CFAP46: variants seen among roughly 807,000 people sequenced by gnomAD.
CFAP46 encodes cilia- and flagella-associated protein 46.
A neutral mutation model predicts 325.7 loss-of-function variants in CFAP46; 245 were observed. That is an observed-to-expected ratio of 0.75 (90% CI 0.68 to 0.84). The LOEUF is 0.84. Among genes scored for constraint, CFAP46 ranks in the 40% least tolerant of loss-of-function variants. CFAP46 has a pLI of 0.00. For synonymous variants in CFAP46, 1,523 were observed against 1,495.9 expected (o/e 1.02, Z -0.42); for missense variants, 3,346 against 3,543.0 (o/e 0.94, Z 1.41).
intron 17 of CFAP46, 100 bp downstream of exon 17, chr10:132,916,449 C>T (rs1849639915): frequency 1.6e-5 from 21 of 1,320,352 alleles, no homozygotes; most frequent in East Asian, 2.9e-5. Context: ...GGTGTCCTTA[C>T]GAATGCAAAG....
rs186296982 is a variant in CFAP46 at position 132,919,489 on chromosome 10, G to A, written c.1731-47C>T. The A allele has an allele frequency of 4.1e-4, 618 of 1,512,912 alleles. 3 individuals carry two copies. In the African/African-American group the frequency reaches 6.4e-3, roughly 16 times the overall value. 93.7% of individuals were successfully genotyped at this position (1,512,912 alleles called of 1,614,324 possible). ...GAGTGAAAGGTGAGTAGACAAGTGTGGTTGCTGAAGTTAGAAAACACCTGG... is the reference window on the plus strand; with the variant it reads ...GAGTGAAAGGTGAGTAGACAAGTGTAGTTGCTGAAGTTAGAAAACACCTGG... On this transcript the variant is annotated intron_variant, in intron 14 of 57. Transcript: ENST00000368586. This position sits in a 1 kb window ranked among gnomAD's most constrained non-coding sequence, Gnocchi z 9.7.
chr10:132,823,940 GTGTGTGCAGTGA>G, intron 50 of CFAP46, among the ~76,000 whole-genome samples: 1 of 142,474 alleles, frequency 7.0e-6, no homozygotes, highest in African/African-American at 2.7e-5. Flanking sequence ...GATGTGTGCT[GTGTGTGCAGTGA>G]TGTGTGCTGT....
At chr10:132,867,976 G>A (rs939760140) in intron 33 of CFAP46, among the ~76,000 whole-genome samples, 9 of 152,142 alleles carry the variant, frequency 5.9e-5, no homozygotes, top group East Asian at 1.9e-4. Flanking sequence ...CTTCTCCTGT[G>A]CCATGAACAC....
At chr10:132,888,214 G>C (rs549177533) in intron 25 of CFAP46, among the ~76,000 whole-genome samples, 11 of 151,820 alleles carry the variant, frequency 7.2e-5, no homozygotes, top group Non-Finnish European at 1.3e-4. Context: ...GCTCCACCCC[G>C]TCTAATGGTA....
rs1237472872 is a variant in CFAP46 at position 132,811,159 on chromosome 10, G to A, written c.7502-128C>T. On this transcript the variant is annotated intron_variant, in intron 55 of 57. Coordinates refer to ENST00000368586, the MANE Select transcript of CFAP46 (RefSeq NM_001200049.3). ...TGGCACGCTGGCCACTCAGCTCCGG[G>A]CTCCGACCTCATGACCGTCAGGTTT... 4 of 776,264 alleles carry A rather than the reference G, an allele frequency of 5.2e-6. No homozygotes were observed. The Admixed American group carries it at 9.1e-5, about 18-fold the overall frequency. The allele number at this position is 776,264 out of a possible 1,614,324, so 48.1% of individuals were successfully genotyped here.
At chr10:132,899,935 C>T (rs542225352) in intron 22 of CFAP46, among the ~76,000 whole-genome samples, 6 of 152,290 alleles carry the variant, frequency 3.9e-5, no homozygotes, top group South Asian at 4.1e-4. Flanking sequence ...CGGAGACAGC[C>T]GCCCTGGGAA....
At chr10:132,822,731 TGTGTGCA>T in intron 50 of CFAP46, among the ~76,000 whole-genome samples, 1 of 138,332 alleles carries the variant, frequency 7.2e-6, no homozygotes, top group Non-Finnish European at 1.5e-5. Flanking sequence ...ATGTGTGCTG[TGTGTGCA>T]GTGATGTGTG....
intron 21 of CFAP46, 58 bp from the exon 22 acceptor site, chr10:132,908,692 C>A (rs1252023555): frequency 2.6e-5 from 39 of 1,471,976 alleles, no homozygotes; most frequent in Non-Finnish European, 3.0e-5. Context: ...CTTCCCACGG[C>A]CTGCAGCCCC....
At chr10:132,879,064 G>T (rs983872619) in intron 29 of CFAP46, among the ~76,000 whole-genome samples, 1 of 152,194 alleles carries the variant, frequency 6.6e-6, no homozygotes, top group Non-Finnish European at 1.5e-5. Flanking sequence ...TTGGTGTGGC[G>T]AGCCAGGCAG....
At position 132,833,350 on chromosome 10, in the gene CFAP46, G is replaced by C. The variant is rs562574100; in HGVS notation, c.7117+8C>G. On this transcript the variant is annotated splice_region_variant and intron_variant, in intron 50 of 57. Transcript: ENST00000368586. Reference sequence around the variant, plus strand: ...TTACACATTAAGGTGGCTGAGGGCAGTTCCTACCTGTCTCTTCTTTATGGA... The same window carrying C: ...TTACACATTAAGGTGGCTGAGGGCACTTCCTACCTGTCTCTTCTTTATGGA... The C allele has an allele frequency of 5.8e-5, 94 of 1,612,434 alleles. No homozygotes were observed. The highest frequency in any genetic ancestry group is 7.7e-5 in the Non-Finnish European group (91 of 1,178,866).
intron 38 of CFAP46, 62 bp from the exon 39 acceptor site, chr10:132,857,850 T>C (rs1332797734): frequency 1.5e-6 from 2 of 1,310,844 alleles, no homozygotes; most frequent in Non-Finnish European, 2.1e-6. Flanking sequence ...ATGTTTAATA[T>C]GTCATTTTCT....
Position 132,817,876 on chromosome 10 carries a change from C to T in CFAP46, c.7118-2962G>A, listed in dbSNP as rs1370277823. ...GTCACTGGGTCACAGTGAACGGCGT[C>T]GGCCGCGCTCTGCCTGGAGGCTCCC... On this transcript the variant is annotated intron_variant, in intron 50 of 57. Coordinates refer to ENST00000368586, the MANE Select transcript of CFAP46 (RefSeq NM_001200049.3). The surrounding 1 kb of genome is among the most constrained non-coding windows in gnomAD (Gnocchi z 4.4). 2.0e-5 allele frequency among the ~76,000 whole-genome samples: 3 copies of T among 152,266 alleles called. No individual in the cohort carries two copies. Among genetic ancestry groups the T allele is most frequent in the Non-Finnish European group, 2.9e-5 (2 of 68,046 alleles).
intron 24 of CFAP46, among the ~76,000 whole-genome samples, chr10:132,897,367 G>T (rs981744940): frequency 6.6e-6 from 1 of 152,248 alleles, no homozygotes. Context: ...TCTGCTGAGG[G>T]ATTAATATGC....
intron 11 of CFAP46, 33 bp from the exon 12 acceptor site, chr10:132,922,741 C>T (rs765432672): frequency 7.7e-5 from 115 of 1,501,356 alleles, no homozygotes; most frequent in Middle Eastern, 5.2e-4. Flanking sequence ...GGGGCCCTGG[C>T]GGCGCTGCGC....
At position 132,822,760 on chromosome 10, in the gene CFAP46, C is replaced by CAG. The variant is rs1203633587; in HGVS notation, c.7118-7847_7118-7846insCT. Among the ~76,000 whole-genome samples, 86 of 115,842 alleles carry CAG rather than the reference C, an allele frequency of 7.4e-4. No individual in the cohort carries two copies. The South Asian group carries it at 8.5e-3, about 11-fold the overall frequency. 76.0% of individuals were successfully genotyped at this position (115,842 alleles called of 152,430 possible). ...TGCAGTGATGTGTGCTGTGTGAGTG[C>CAG]TGATGTGTGCTGTGTGTGCACTTGT... On this transcript the variant is annotated intron_variant, in intron 50 of 57. Transcript: ENST00000368586.
chr10:132,846,848 C>A (rs1401770117), intron 43 of CFAP46, 84 bp downstream of exon 43: 11 of 1,471,032 alleles, frequency 7.5e-6, no homozygotes, highest in East Asian at 4.9e-5. Context: ...TGGAGTCCCC[C>A]CAAGGCGAGG....
chr10:132,831,566 C>G (rs1000264379), intron 50 of CFAP46, among the ~76,000 whole-genome samples: 38 of 152,204 alleles, frequency 2.5e-4, no homozygotes, highest in African/African-American at 8.9e-4. Context: ...TGCCAACCTT[C>G]TTTGGATACT....
At chr10:132,844,028 GGTGTT>G (rs1848393669) in intron 44 of CFAP46, among the ~76,000 whole-genome samples, 2 of 112,702 alleles carry the variant, frequency 1.8e-5, no homozygotes, top group African/African-American at 6.9e-5. Flanking sequence ...GGTCTCGGTG[GGTGTT>G]CCCAGGGTGC....
Position 132,866,039 on chromosome 10 carries a change from A to G in CFAP46, c.4876T>C (p.Tyr1626His), listed in dbSNP as rs1032444853. 1 of 1,513,820 alleles carries G rather than the reference A, an allele frequency of 6.6e-7. No homozygotes were observed. Among genetic ancestry groups the G allele is most frequent in the Non-Finnish European group, 8.9e-7 (1 of 1,127,974 alleles). The allele number at this position is 1,513,820 out of a possible 1,614,324, so 93.8% of individuals were successfully genotyped here. ...QPARLLLSEA[Y>H]LAFQELDEPC... ...GGGCTCCTCACCTGGAAAGCCAGGTAAGCCTCCGACAGGAGCAGCCGTGCA... is the reference window on the plus strand; with the variant it reads ...GGGCTCCTCACCTGGAAAGCCAGGTGAGCCTCCGACAGGAGCAGCCGTGCA... Residue 1626 changes from tyrosine to histidine, a missense_variant, in exon 35 of 58, where the codon TAC becomes CAC. Transcript: ENST00000368586.
Sources: allele counts gnomAD v4.1 joint callset (sites outside exome capture counted in the v4.1 genomes callset), GRCh38; gene constraint gnomAD v4.1.1; non-coding constraint Gnocchi (gnomAD v3.1); transcripts MANE v1.5; gene names NCBI Gene and HGNC (gene_info 2026-07-23, HGNC 2026-07-21).